The following CRELD2 variants were observed in gnomAD, a reference collection of about 807,000 sequenced individuals.
CRELD2 encodes the protein protein disulfide isomerase CRELD2.
In CRELD2, 33 loss-of-function variants were observed where a neutral mutation model predicts 48.1. The ratio of observed to expected loss-of-function variants is 0.69; its 90% CI spans 0.52 to 0.92. CRELD2 has a LOEUF of 0.92. CRELD2 is among the 40% of genes least tolerant of loss of function. The pLI, the probability that CRELD2 is intolerant of heterozygous loss-of-function variation, is 0.00. For synonymous variants in CRELD2, 220 were observed against 203.9 expected (o/e 1.08, Z -0.67); for missense variants, 477 against 482.4 (o/e 0.99, Z 0.10).
intron 5 of CRELD2, 34 bp from the exon 6 acceptor site, chr22:49,922,578 G>T: frequency 6.6e-7 from 1 of 1,505,378 alleles, no homozygotes; most frequent in Non-Finnish European, 9.0e-7. Flanking sequence ...ACCTGAGAGT[G>T]GGGTTTGTAC....
At chr22:49,922,861 T>A (rs1268842611) in intron 6 of CRELD2, among the ~76,000 whole-genome samples, 154 bp downstream of exon 6, 1 of 38,372 alleles carries the variant, frequency 2.6e-5, no homozygotes, top group Non-Finnish European at 4.0e-5. Context: ...GGTGTGGGGC[T>A]TGGGGTGTGG....
In CRELD2 at chr22:49,922,395, ACC is replaced by A. The variant is rs756053773; in HGVS notation, c.593-215_593-214del. On this transcript the variant is annotated intron_variant, in intron 5 of 9. Transcript: ENST00000328268. ...ATGGATCCGTGGCCGGAACACGCAC[ACC>A]CAGCCAGGCTACAGCTCCAGAGTAT... is the stretch of plus-strand genomic sequence containing the variant. 15 of 1,609,740 alleles carry A rather than the reference ACC, an allele frequency of 9.3e-6. No homozygotes were observed. In the Middle Eastern group the frequency reaches 5.0e-4, roughly 53 times the overall value.
chr22:49,924,858 C>T (rs113800028), intron 8 of CRELD2: 45,033 of 170,672 alleles, frequency 0.26, 7,321 homozygotes, highest in African/African-American at 0.48. Flanking sequence ...CCTGGGCAGG[C>T]GCCATGGTTC....
intron 7 of CRELD2, 28 bp downstream of exon 7, chr22:49,923,345 C>CGGGGCCTGCACTCT (rs771697320): frequency 4.5e-6 from 7 of 1,558,148 alleles, no homozygotes; most frequent in African/African-American, 4.1e-5. Flanking sequence ...GTCTGCACTC[C>CGGGGCCTGCACTCT]GGGGCCTGCC....
rs1217339267 is a variant in CRELD2, at chr22:49,927,428, T to TTC, written c.*124_*125dup. 5 of 775,688 alleles carry TTC rather than the reference T, an allele frequency of 6.4e-6. No homozygotes were observed. The East Asian group carries it at 1.2e-4, about 19-fold the overall frequency. 48.1% of individuals were successfully genotyped at this position (775,688 alleles called of 1,614,324 possible). A position where few individuals can be genotyped will look rare whatever the true frequency, so the allele number is the denominator to read the frequency against. ...AGGCTGCCTGCTCTCTAACGGTTGA[T>TTC]TCTCATTTGTCCCTTAAACAGCTGC... On this transcript the variant is annotated 3_prime_UTR_variant, in exon 10 of 10. Transcript: ENST00000328268.
In CRELD2 at chr22:49,922,702, G is replaced by A; in HGVS notation, c.683G>A (p.Cys228Tyr). 6.5e-7 allele frequency: 1 copy of A among 1,546,116 alleles called. No individual in the cohort carries two copies. The highest frequency in any genetic ancestry group is 2.4e-5 in the East Asian group (1 of 41,330). ...EVGWVLDEGA[C>Y]VDVDECAAEP... ...GGCTGGGTGCTGGACGAGGGCGCCT[G>A]TGTGGGTGAGGAGCGGCCCGGGGGT... The change falls in exon 6 of 10, where the codon TGT (cysteine) becomes TAT (tyrosine). Residue 228 changes from cysteine (C) to tyrosine (Y), a missense_variant. Cys to Tyr is a radical substitution (Grantham distance 194). Transcript: ENST00000328268.
At position 49,924,400 on chromosome 22, in the gene CRELD2, A is replaced by G; in HGVS notation, c.813A>G (p.Pro271=). ...GTGTGGGCTGCACAGGGGAAGGCCC[A>G]GGAAACTGTAAAGAGTGTATCTCTG... is the stretch of plus-strand genomic sequence containing the variant. ...SSCVGCTGEG[P]GNCKECISGY... The change falls in exon 8 of 10, where the codon CCA becomes CCG. Residue 271 remains proline (P), a synonymous_variant. Coordinates refer to ENST00000328268, the MANE Select transcript of CRELD2 (RefSeq NM_024324.5). 1 of 1,612,658 alleles carries G rather than the reference A, an allele frequency of 6.2e-7. No homozygotes were observed. Among genetic ancestry groups the G allele is most frequent in the Non-Finnish European group, 8.5e-7 (1 of 1,179,522 alleles).
At chr22:49,927,190 G>A in intron 9 of CRELD2, 65 bp from the exon 10 acceptor site, 1 of 1,425,154 alleles carries the variant, frequency 7.0e-7, no homozygotes, top group South Asian at 1.1e-5. Flanking sequence ...TGCTGTCCTG[G>A]GAAAGGCCTC....
chr22:49,918,973 CT>C lies in CRELD2; in HGVS notation c.129+77del, dbSNP rs2060644870. On this transcript the variant is annotated intron_variant, in intron 1 of 9. Transcript: ENST00000328268. ...CACCCTGCATCCGGGGTCGCCCCAC[CT>C]TGGGCCCAGGGTCGCCCTCACCCTG... The C allele has an allele frequency of 4.8e-6, 6 of 1,261,756 alleles. No individual in the cohort carries two copies. The Admixed American group carries it at 1.6e-4, about 34-fold the overall frequency. The allele number at this position is 1,261,756 out of a possible 1,614,324, so 78.2% of individuals were successfully genotyped here.
Position 49,918,792 on chromosome 22 carries a change from C to A in CRELD2, c.23C>A (p.Ala8Glu). Residue 8 changes from alanine to glutamate, a missense_variant, in exon 1 of 10, where the codon GCG (alanine) becomes GAG (glutamate). Physicochemically the swap from Ala to Glu is moderately radical, Grantham distance 107. Coordinates refer to ENST00000328268, the MANE Select transcript of CRELD2 (RefSeq NM_024324.5). Reference protein sequence around the residue: MRLPRRAALGLLPLLLLL... With the variant: MRLPRRAELGLLPLLLLL... ...GCCATGCGCCTGCCGCGCCGGGCCG[C>A]GCTGGGGCTCCTGCCGCTTCTGCTG... The A allele has an allele frequency of 7.6e-7, 1 of 1,309,136 alleles. No individual in the cohort carries two copies. The highest frequency in any genetic ancestry group is 9.7e-7 in the Non-Finnish European group (1 of 1,027,080). The allele number at this position is 1,309,136 out of a possible 1,614,324, so 81.1% of individuals were successfully genotyped here.
At chr22:49,926,433 G>A (rs2060764599) in intron 9 of CRELD2, 1 of 152,378 alleles carries the variant, frequency 6.6e-6, no homozygotes, top group South Asian at 2.1e-4. Flanking sequence ...TCAGATTCCA[G>A]AAGCTGTTTC....
At chr22:49,922,906 G>A (rs1329879648) in intron 6 of CRELD2, among the ~76,000 whole-genome samples, 199 bp downstream of exon 6, 1 of 74,300 alleles carries the variant, frequency 1.3e-5, no homozygotes, top group Non-Finnish European at 2.6e-5. Flanking sequence ...GAGGTGGGGC[G>A]TGAGGTGTGG....
In CRELD2 at chr22:49,918,659, G is replaced by T. The variant is rs1275962187; in HGVS notation, c.-111G>T. On this transcript the variant is annotated 5_prime_UTR_variant, in exon 1 of 10. Transcript: ENST00000328268. The stretch of plus-strand genomic sequence containing the variant: ...GGGGCCTCGCCGGCGCCGTCAAGTA[G>T]CCTGGGGGACAGGCCGGCGCGGCTG... 5.3e-6 allele frequency: 2 copies of T among 380,438 alleles called. No homozygotes were observed. The highest frequency in any genetic ancestry group is 9.0e-6 in the Non-Finnish European group (2 of 221,906). 23.6% of individuals were successfully genotyped at this position (380,438 alleles called of 1,614,324 possible). A position where few individuals can be genotyped will look rare whatever the true frequency, so the allele number is the denominator to read the frequency against.
rs1014952425 is a variant in CRELD2 at position 49,918,698 on chromosome 22, G to T, written c.-72G>T. ...CCGGCGCGGCTGGGAGCGGGTGGGC[G>T]GCCGGGAGGCCGGAGCAGCACGGCC... On this transcript the variant is annotated 5_prime_UTR_variant, in exon 1 of 10. Coordinates refer to ENST00000328268, the MANE Select transcript of CRELD2 (RefSeq NM_024324.5). The T allele has an allele frequency of 2.5e-4, 138 of 550,494 alleles. No individual in the cohort carries two copies. Among genetic ancestry groups the T allele is most frequent in the Non-Finnish European group, 3.5e-4 (130 of 371,650 alleles). 34.1% of individuals were successfully genotyped at this position (550,494 alleles called of 1,614,324 possible).
At chr22:49,925,647 C>T in intron 9 of CRELD2, 90 bp downstream of exon 9, 6 of 1,582,398 alleles carry the variant, frequency 3.8e-6, no homozygotes, top group Non-Finnish European at 5.1e-6. Context: ...GAAATCCACA[C>T]AGATGGTGGC....
intron 8 of CRELD2, chr22:49,925,139 A>AG: frequency 3.8e-6 from 1 of 264,744 alleles, no homozygotes; most frequent in East Asian, 8.1e-5. Flanking sequence ...TCAAAAAAAA[A>AG]AAAAAAAGGA....
rs187479038 is a variant in CRELD2, at chr22:49,921,068, A to G, written c.416-517A>G. Among the ~76,000 whole-genome samples, 169 of 152,062 alleles carry G rather than the reference A, an allele frequency of 1.1e-3. 1 individual carries two copies. Among genetic ancestry groups the G allele is most frequent in the Middle Eastern group, 0.01 (3 of 294 alleles). On this transcript the variant is annotated intron_variant, in intron 4 of 9. Coordinates refer to ENST00000328268, the MANE Select transcript of CRELD2 (RefSeq NM_024324.5). ...GCAAACATCACAGCGTGCACTCCAC[A>G]CGCCACACGCCACACGCCTAGATGG...
At chr22:49,923,154 G>A (rs2060718711) in intron 6 of CRELD2, 80 bp from the exon 7 acceptor site, 2 of 1,173,736 alleles carry the variant, frequency 1.7e-6, no homozygotes, top group African/African-American at 3.1e-5. Flanking sequence ...GCCACGGGCT[G>A]TGTCAGGCCA....
At chr22:49,924,785 C>T (rs1435266752) in intron 8 of CRELD2, 1 of 208,366 alleles carries the variant, frequency 4.8e-6, no homozygotes, top group African/African-American at 2.3e-5. Flanking sequence ...CCAGGCCTGC[C>T]ATGGTTGTGG....
Sources: gnomAD v4.1 joint callset for allele counts (sites outside exome capture counted in the v4.1 genomes callset) on GRCh38, gnomAD v4.1.1 for gene constraint, MANE v1.5 for transcripts, NCBI Gene and HGNC (gene_info 2026-07-23, HGNC 2026-07-21) for gene names.